The following PLEKHA7 variants were observed in gnomAD, a reference collection of about 807,000 sequenced individuals.
PLEKHA7 encodes the protein pleckstrin homology domain containing A7, also known as pleckstrin homology domain-containing family A member 7.
Under a neutral mutation model 170.0 loss-of-function variants are expected in PLEKHA7, and 104 were observed. That is an observed-to-expected ratio of 0.61 (90% CI 0.52 to 0.72). The LOEUF is 0.72. PLEKHA7 is among the 30% of genes least tolerant of loss of function. PLEKHA7 has a pLI of 0.00. For synonymous variants in PLEKHA7, 648 were observed against 660.8 expected, an observed-to-expected ratio of 0.98 and a Z score of 0.30; for missense variants, 1,615 against 1,671.7, an observed-to-expected ratio of 0.97 and a Z score of 0.59.
intron 10 of PLEKHA7, among the ~76,000 whole-genome samples, chr11:16,823,357 ACT>A (rs1850392684): frequency 6.6e-6 from 1 of 152,128 alleles, no homozygotes; most frequent in Admixed American, 6.5e-5. Context: ...CCCCAGATCA[ACT>A]ACATCAAAAT....
intron 3 of PLEKHA7, among the ~76,000 whole-genome samples, chr11:16,929,976 C>T (rs1193797195): frequency 6.6e-6 from 1 of 151,716 alleles, no homozygotes; most frequent in African/African-American, 2.4e-5. Context: ...TGCACTCCAG[C>T]CTGGCAACAG....
intron 3 of PLEKHA7, among the ~76,000 whole-genome samples, chr11:17,009,273 G>A (rs1865186453): frequency 6.6e-6 from 1 of 152,160 alleles, no homozygotes; most frequent in African/African-American, 2.4e-5. Flanking sequence ...GAATGGGGAT[G>A]ATTCTTCCCC....
At chr11:16,912,533 C>T (rs1858326878) in intron 3 of PLEKHA7, among the ~76,000 whole-genome samples, 1 of 152,172 alleles carries the variant, frequency 6.6e-6, no homozygotes, top group South Asian at 2.1e-4. Flanking sequence ...TGGGTTTTGC[C>T]TCTTAAATGC....
chr11:16,898,081 G>C (rs1857109698), intron 3 of PLEKHA7, among the ~76,000 whole-genome samples: 1 of 152,012 alleles, frequency 6.6e-6, no homozygotes, highest in South Asian at 2.1e-4. Context: ...AGAAATACAT[G>C]ACCAGGAACA....
rs138790533 is a variant in PLEKHA7, at chr11:16,802,767, C to G, written c.2157+205G>C. Among the ~76,000 whole-genome samples the G allele has an allele frequency of 2.9e-3, 437 of 152,192 alleles. 12 individuals carry two copies. The East Asian group carries it at 0.039, about 14-fold the overall frequency. ...TTCACCATGTTGGTCAGGCTGGTCT[C>G]GAACTCCTGACCTCATGATCCACCT... On this transcript the variant is annotated intron_variant, in intron 15 of 26. Coordinates refer to ENST00000531066, the MANE Select transcript of PLEKHA7 (RefSeq NM_001329630.2).
intron 8 of PLEKHA7, 26 bp from the exon 9 acceptor site, chr11:16,841,748 T>A (rs1352243329): frequency 6.2e-7 from 1 of 1,607,276 alleles, no homozygotes; most frequent in Non-Finnish European, 8.5e-7. Flanking sequence ...AGAATGCAGG[T>A]CAGAGGGAGG....
chr11:17,004,240 C>T (rs1471408896), intron 3 of PLEKHA7, among the ~76,000 whole-genome samples: 1 of 152,162 alleles, frequency 6.6e-6, no homozygotes, highest in Non-Finnish European at 1.5e-5. Flanking sequence ...CATCCAGTCT[C>T]CTAGGTGAGT....
At position 16,791,985 on chromosome 11, in the gene PLEKHA7, G is replaced by A. The variant is rs1389682517; in HGVS notation, c.2746-786C>T. Among the ~76,000 whole-genome samples, 13 of 152,100 alleles carry A rather than the reference G, an allele frequency of 8.5e-5. No homozygotes were observed. The highest frequency in any genetic ancestry group is 1.8e-4 in the Non-Finnish European group (12 of 68,036). On this transcript the variant is annotated intron_variant, in intron 19 of 26. Transcript: ENST00000531066. The surrounding 1 kb of genome is among the most constrained non-coding windows in gnomAD (Gnocchi z 4.5). ...CCACCTCCTAAATTCCCTCTTTCTC[G>A]GTCTAATTTGGTTTTGTTTTTAAGA...
rs754802216 is a variant in PLEKHA7 at position 16,800,931 on chromosome 11, C to CA, written c.2409+42dup. 1.7e-5 allele frequency: 27 copies of CA among 1,559,010 alleles called. 1 individual carries two copies. The South Asian group carries it at 2.7e-4, about 16-fold the overall frequency. ...TCTTGGAAAAACAAAAAACAAAAAA[C>CA]AAAAAACAAGAGCTCAGAAGAGATG... On this transcript the variant is annotated intron_variant, in intron 17 of 26. Transcript: ENST00000531066.
chr11:16,864,141 T>C (rs965582840), intron 4 of PLEKHA7, among the ~76,000 whole-genome samples: 10 of 152,292 alleles, frequency 6.6e-5, no homozygotes, highest in African/African-American at 1.9e-4. Context: ...TTTAGAAGCA[T>C]GGCATCTAGG....
At chr11:16,918,943 G>A (rs1009232040) in intron 3 of PLEKHA7, among the ~76,000 whole-genome samples, 2 of 152,164 alleles carry the variant, frequency 1.3e-5, no homozygotes, top group Admixed American at 6.5e-5. Flanking sequence ...CAGCACGGTG[G>A]CTCATGCCTA....
At chr11:16,807,059 A>G (rs1206577898) in intron 13 of PLEKHA7, 1 of 603,552 alleles carries the variant, frequency 1.7e-6, no homozygotes, top group Admixed American at 6.3e-5. Context: ...TCAGGAGAGC[A>G]ACTGGTTAAG....
Position 16,852,279 on chromosome 11 carries a change from T to C in PLEKHA7, c.595+4A>G, listed in dbSNP as rs774751803. The C allele has an allele frequency of 2.5e-5, 41 of 1,613,644 alleles. 1 individual carries two copies. Among genetic ancestry groups the C allele is most frequent in the Non-Finnish European group, 3.3e-5 (39 of 1,179,784 alleles). ...GCAGGGTAATAGGCTACTTGTTAGC[T>C]CACCTTTATAGTAAAATAAGCAGTA... On this transcript the variant is annotated splice_donor_region_variant and intron_variant, in intron 7 of 26. Transcript: ENST00000531066.
At chr11:16,850,305 T>A (rs1310403103) in intron 8 of PLEKHA7, among the ~76,000 whole-genome samples, 2 of 152,206 alleles carry the variant, frequency 1.3e-5, no homozygotes, top group Non-Finnish European at 2.9e-5. Flanking sequence ...CAGCTTGACG[T>A]GTACGACATT....
At chr11:17,009,869 TC>T (rs1865220602) in intron 3 of PLEKHA7, among the ~76,000 whole-genome samples, 1 of 151,868 alleles carries the variant, frequency 6.6e-6, no homozygotes. Context: ...CCTCAAGTGA[TC>T]CCCTCGCCTC....
At chr11:16,873,839 G>T (rs1180847226) in intron 3 of PLEKHA7, among the ~76,000 whole-genome samples, 1 of 152,026 alleles carries the variant, frequency 6.6e-6, no homozygotes, top group Admixed American at 6.6e-5. Context: ...ACTAACTTTT[G>T]TATTTTTAGT....
chr11:16,831,647 A>G (rs1479606899), intron 9 of PLEKHA7, among the ~76,000 whole-genome samples: 2 of 152,382 alleles, frequency 1.3e-5, no homozygotes, highest in East Asian at 3.9e-4. Flanking sequence ...CAGCTGGCAC[A>G]GGTTTTAGAA....
intron 9 of PLEKHA7, among the ~76,000 whole-genome samples, chr11:16,837,609 G>A (rs1375952452): frequency 6.6e-6 from 1 of 152,096 alleles, no homozygotes; most frequent in Non-Finnish European, 1.5e-5. Flanking sequence ...AAAAAGTAAA[G>A]TCTAGAAGGA....
chr11:16,906,912 A>T (rs1565099624), intron 3 of PLEKHA7, among the ~76,000 whole-genome samples: 1 of 142,140 alleles, frequency 7.0e-6, no homozygotes, highest in Non-Finnish European at 1.5e-5. Flanking sequence ...ATCGTCTGAG[A>T]TGTGGGGAGC....
Sources: allele counts gnomAD v4.1 joint callset (sites outside exome capture counted in the v4.1 genomes callset), GRCh38; gene constraint gnomAD v4.1.1; non-coding constraint Gnocchi (gnomAD v3.1); transcripts MANE v1.5; gene names NCBI Gene and HGNC (gene_info 2026-07-23, HGNC 2026-07-21).